Variants in GOLM1 observed in about 807,000 individuals in gnomAD.
GOLM1 encodes the protein golgi membrane protein 1.
Under a neutral mutation model 50.5 loss-of-function variants are expected in GOLM1, and 31 were observed. The ratio of observed to expected loss-of-function variants is 0.61; its 90% CI spans 0.46 to 0.83. GOLM1 has a LOEUF of 0.83. Among genes scored for constraint, GOLM1 ranks in the 40% least tolerant of loss-of-function variants. The pLI, the probability that GOLM1 is intolerant of heterozygous loss-of-function variation, is 0.00. For missense variants in GOLM1, 491 were observed against 501.3 expected (o/e 0.98, Z 0.20); for synonymous variants, 178 against 192.8 (o/e 0.92, Z 0.64).
chr9:86,056,812 A>T (rs906417560), intron 3 of GOLM1, among the ~76,000 whole-genome samples: 13 of 151,480 alleles, frequency 8.6e-5, no homozygotes, highest in South Asian at 2.1e-4. Context: ...CCAAAAAAAA[A>T]TTTTTTAAGA....
chr9:86,052,034 G>A (rs983877388), intron 4 of GOLM1, among the ~76,000 whole-genome samples: 2 of 152,062 alleles, frequency 1.3e-5, no homozygotes, highest in African/African-American at 4.8e-5. Flanking sequence ...CTGTCACAGT[G>A]GAAGGAGCCC....
intron 6 of GOLM1, among the ~76,000 whole-genome samples, chr9:86,039,967 CA>C (rs202123864): frequency 0.098 from 7,079 of 72,258 alleles, 435 homozygotes; most frequent in East Asian, 0.39. Context: ...GATGCCCTCT[CA>C]AAAAAAAAAA....
chr9:86,077,703 T>A (rs1281738285), intron 2 of GOLM1, 112 bp from the exon 3 acceptor site: 1 of 710,086 alleles, frequency 1.4e-6, no homozygotes, highest in Non-Finnish European at 2.5e-6. Context: ...ACCAGTCTTA[T>A]ACACACAAGT....
chr9:86,082,278 G>C (rs980521218), intron 1 of GOLM1, among the ~76,000 whole-genome samples: 1 of 151,190 alleles, frequency 6.6e-6, no homozygotes, highest in African/African-American at 2.4e-5. Flanking sequence ...CGCCCGCCTC[G>C]GCCTCCCAAA....
intron 3 of GOLM1, among the ~76,000 whole-genome samples, chr9:86,061,426 G>C (rs1348451090): frequency 6.6e-6 from 1 of 152,094 alleles, no homozygotes. Context: ...TCATAGTATA[G>C]CTCCATCAAC....
chr9:86,033,845 T>G (rs1333381742), intron 8 of GOLM1, among the ~76,000 whole-genome samples: 2 of 152,126 alleles, frequency 1.3e-5, no homozygotes, highest in African/African-American at 4.8e-5. Context: ...CACCCATTAC[T>G]CTATTCTTCC....
intron 4 of GOLM1, among the ~76,000 whole-genome samples, chr9:86,049,247 A>G (rs1238109775): frequency 1.3e-5 from 2 of 152,218 alleles, no homozygotes; most frequent in African/African-American, 2.4e-5. Flanking sequence ...TTTTGGTACC[A>G]GTACCATGCT....
At chr9:86,034,435 C>T (rs1331808052) in intron 8 of GOLM1, among the ~76,000 whole-genome samples, 2 of 152,204 alleles carry the variant, frequency 1.3e-5, no homozygotes, top group African/African-American at 2.4e-5. Context: ...TGTGGCATCT[C>T]AGGCCCACCT....
chr9:86,033,256 G>A lies in GOLM1; in HGVS notation c.1129+26C>T, dbSNP rs200114512. 182 of 1,264,438 alleles carry A rather than the reference G, an allele frequency of 1.4e-4. No homozygotes were observed. In the East Asian group the frequency reaches 2.9e-3, roughly 20 times the overall value. The allele number at this position is 1,264,438 out of a possible 1,614,324, so 78.3% of individuals were successfully genotyped here. A position where few individuals can be genotyped will look rare whatever the true frequency, so the allele number is the denominator to read the frequency against. On this transcript the variant is annotated intron_variant, in intron 9 of 9. Coordinates refer to ENST00000388712, the MANE Select transcript of GOLM1 (RefSeq NM_016548.4). ...GGAAAGAGAAATGAAAGGTGACCTCGTCACCGATGTAGGCCCCATTCTTAC... is the reference window on the plus strand; with the variant it reads ...GGAAAGAGAAATGAAAGGTGACCTCATCACCGATGTAGGCCCCATTCTTAC...
chr9:86,075,999 A>G (rs12340012), intron 3 of GOLM1, among the ~76,000 whole-genome samples: 4,012 of 152,316 alleles, frequency 0.026, 160 homozygotes, highest in African/African-American at 0.092. Flanking sequence ...GTTATGCGAG[A>G]AAAGTCTGAG....
intron 5 of GOLM1, among the ~76,000 whole-genome samples, chr9:86,045,735 A>C (rs1477397960): frequency 6.6e-6 from 1 of 152,114 alleles, no homozygotes; most frequent in African/African-American, 2.4e-5. Flanking sequence ...GCAAGTAAAA[A>C]AATGATTAAA....
At chr9:86,052,496 C>G (rs762201303) in intron 4 of GOLM1, 41 bp downstream of exon 4, 1 of 1,588,390 alleles carries the variant, frequency 6.3e-7, no homozygotes, top group Non-Finnish European at 8.6e-7. Flanking sequence ...GTTTCCTCCT[C>G]AAAGGCCAGT....
intron 3 of GOLM1, among the ~76,000 whole-genome samples, chr9:86,071,947 A>C (rs1278654001): frequency 1.3e-5 from 2 of 152,192 alleles, no homozygotes; most frequent in East Asian, 3.9e-4. Context: ...TGGGTAAATA[A>C]ACTGGGGTAT....
chr9:86,035,130 C>T (rs1833093379), intron 8 of GOLM1: 2 of 985,372 alleles, frequency 2.0e-6, no homozygotes, highest in African/African-American at 3.5e-5. Flanking sequence ...TGCAAGGTCC[C>T]CTCGACTCCC....
Position 86,026,277 on chromosome 9 carries a change from A to C in GOLM1, c.*1540T>G. 1 of 985,240 alleles carries C rather than the reference A, an allele frequency of 1.0e-6. No individual in the cohort carries two copies. The allele number at this position is 985,240 out of a possible 1,614,324, so 61.0% of individuals were successfully genotyped here. ...CAAGGAGGACTCAAAGTGAGGCTGG[A>C]AGAGGACTTAGAAGAGTATGAAAGT... On this transcript the variant is annotated 3_prime_UTR_variant, in exon 10 of 10. Coordinates refer to ENST00000388712, the MANE Select transcript of GOLM1 (RefSeq NM_016548.4).
chr9:86,036,816 A>G (rs1237873152), intron 6 of GOLM1: 6 of 363,006 alleles, frequency 1.7e-5, no homozygotes, highest in Non-Finnish European at 2.5e-5. Flanking sequence ...CAAAAAAGAC[A>G]TGAACGACAC....
At chr9:86,071,605 G>A (rs968345023) in intron 3 of GOLM1, among the ~76,000 whole-genome samples, 2 of 152,018 alleles carry the variant, frequency 1.3e-5, no homozygotes, top group South Asian at 2.1e-4. Flanking sequence ...AGGTGGAGGT[G>A]GAGGTTGCAG....
chr9:86,071,367 A>AT (rs968479598), intron 3 of GOLM1, among the ~76,000 whole-genome samples: 16 of 151,780 alleles, frequency 1.1e-4, no homozygotes, highest in South Asian at 2.1e-4. Flanking sequence ...CAAAGCACCT[A>AT]TTTTTTTTAA....
At chr9:86,048,804 ATTT>A (rs1384618795) in intron 4 of GOLM1, among the ~76,000 whole-genome samples, 3 of 151,922 alleles carry the variant, frequency 2.0e-5, no homozygotes, top group African/African-American at 7.3e-5. Context: ...AGATTCAAAA[ATTT>A]TCTCCCATTC....
Sources: gnomAD v4.1 joint callset for allele counts (sites outside exome capture counted in the v4.1 genomes callset) on GRCh38, gnomAD v4.1.1 for gene constraint, MANE v1.5 for transcripts, NCBI Gene and HGNC (gene_info 2026-07-23, HGNC 2026-07-21) for gene names.